Variants in KCNT2 observed in about 807,000 individuals in gnomAD.
KCNT2 encodes potassium sodium-activated channel subfamily T member 2.
KCNT2 carries 67 observed loss-of-function variants against 153.8 expected under a neutral mutation model. The ratio of observed to expected loss-of-function variants is 0.44; its 90% confidence interval spans 0.36 to 0.53. The LOEUF is 0.53. Among genes scored for constraint, KCNT2 ranks in the 20% least tolerant of loss-of-function variants. The probability of loss-of-function intolerance (pLI) is 0.00; values close to 1 mark genes in which losing one functional copy is unlikely to be tolerated. For missense variants in KCNT2, 975 were observed against 1,354.8 expected (o/e 0.72, Z 4.40); for synonymous variants, 500 against 458.8 (o/e 1.09, Z -1.15).
chr1:196,465,585 T>G (rs1367841711), intron 7 of KCNT2, among the ~76,000 whole-genome samples, 198 bp from the exon 8 acceptor site: 1 of 151,880 alleles, frequency 6.6e-6, no homozygotes, highest in Non-Finnish European at 1.5e-5. Context: ...AAAGCTTGCA[T>G]AGTTCAAAGA....
chr1:196,412,633 C>A (rs1052490507), intron 12 of KCNT2, among the ~76,000 whole-genome samples: 1 of 151,364 alleles, frequency 6.6e-6, no homozygotes, highest in Non-Finnish European at 1.5e-5. Context: ...CAGTTAGCAG[C>A]CCCCTACCCC....
At chr1:196,479,313 CTTTA>C in intron 4 of KCNT2, 75 bp from the exon 5 acceptor site, 1 of 855,746 alleles carries the variant, frequency 1.2e-6, no homozygotes, top group African/African-American at 1.7e-5. Flanking sequence ...ATACTACTAA[CTTTA>C]TTTAAATATA....
intron 8 of KCNT2, among the ~76,000 whole-genome samples, chr1:196,434,727 T>C (rs1674467919): frequency 1.3e-5 from 2 of 152,100 alleles, no homozygotes; most frequent in African/African-American, 4.8e-5. Flanking sequence ...ACTGGACTAA[T>C]GACTTGCTTT....
At chr1:196,415,098 C>G (rs888485066) in intron 12 of KCNT2, among the ~76,000 whole-genome samples, 1 of 151,800 alleles carries the variant, frequency 6.6e-6, no homozygotes, top group Non-Finnish European at 1.5e-5. Flanking sequence ...TGGGGAGAGG[C>G]AACTAAAAGA....
At chr1:196,545,002 AGG>A (rs935487528) in intron 1 of KCNT2, among the ~76,000 whole-genome samples, 6 of 152,134 alleles carry the variant, frequency 3.9e-5, no homozygotes, top group Non-Finnish European at 8.8e-5. Context: ...ACAGGAAAAA[AGG>A]GGGAAAAAAC....
intron 26 of KCNT2, among the ~76,000 whole-genome samples, chr1:196,239,886 T>A (rs546629464): frequency 5.9e-4 from 89 of 151,952 alleles, no homozygotes; most frequent in Admixed American, 2.6e-3. Context: ...GTGTCCACAT[T>A]AGAAGAAGAA....
At chr1:196,509,168 C>T (rs948378369) in intron 1 of KCNT2, among the ~76,000 whole-genome samples, 7 of 150,588 alleles carry the variant, frequency 4.6e-5, no homozygotes, top group Non-Finnish European at 8.8e-5. Context: ...ACTCGGGAGG[C>T]TGAGGCAGGA....
intron 1 of KCNT2, among the ~76,000 whole-genome samples, chr1:196,557,837 T>C (rs1339749199): frequency 6.6e-6 from 1 of 151,486 alleles, no homozygotes; most frequent in Non-Finnish European, 1.5e-5. Context: ...TATTTACATC[T>C]TTTAAATTAA....
intron 1 of KCNT2, among the ~76,000 whole-genome samples, chr1:196,547,735 AG>A (rs1168146633): frequency 6.6e-6 from 1 of 151,906 alleles, no homozygotes. Context: ...TTTTTGAGTG[AG>A]TTTCCTTATT....
chr1:196,359,205 C>T (rs962033831), intron 14 of KCNT2, among the ~76,000 whole-genome samples: 3 of 151,904 alleles, frequency 2.0e-5, no homozygotes, highest in African/African-American at 4.8e-5. Flanking sequence ...TTTCTAGGCA[C>T]CTTGTACCCT....
At chr1:196,317,390 T>C (rs1404194505) in intron 20 of KCNT2, 3 of 279,888 alleles carry the variant, frequency 1.1e-5, no homozygotes, top group Admixed American at 8.6e-5. Flanking sequence ...GGTCTTTCTT[T>C]TATTCAGGAA....
At chr1:196,542,388 T>A (rs1396121435) in intron 1 of KCNT2, among the ~76,000 whole-genome samples, 1 of 152,164 alleles carries the variant, frequency 6.6e-6, no homozygotes, top group Non-Finnish European at 1.5e-5. Flanking sequence ...CAGAGTGTAT[T>A]AATTTGAAGT....
At chr1:196,294,008 T>G (rs559737093) in intron 22 of KCNT2, among the ~76,000 whole-genome samples, 1 of 151,754 alleles carries the variant, frequency 6.6e-6, no homozygotes, top group Non-Finnish European at 1.5e-5. Flanking sequence ...TCAACAGCAA[T>G]AAAACACATA....
chr1:196,395,567 T>C (rs1360611273), intron 13 of KCNT2, among the ~76,000 whole-genome samples: 1 of 151,504 alleles, frequency 6.6e-6, no homozygotes, highest in Non-Finnish European at 1.5e-5. Context: ...TATAATGGCA[T>C]GAGGGGGTTG....
intron 15 of KCNT2, 60 bp downstream of exon 15, chr1:196,342,018 AT>A: frequency 1.3e-6 from 2 of 1,529,980 alleles, no homozygotes; most frequent in Non-Finnish European, 1.8e-6. Context: ...TTTGAAAACT[AT>A]TTTCACATGA....
At position 196,480,594 on chromosome 1, in the gene KCNT2, G is replaced by A. The variant is rs539114232; in HGVS notation, c.325-1356C>T. On this transcript the variant is annotated intron_variant, in intron 4 of 27. Transcript: ENST00000294725. Reference sequence around the variant, plus strand: ...ACATCGGCCAGGCGCAGTAGTTCACGTCTGTAATCCCAGCACTTTGGGAGG... The same window carrying A: ...ACATCGGCCAGGCGCAGTAGTTCACATCTGTAATCCCAGCACTTTGGGAGG... Among the ~76,000 whole-genome samples, 5 of 152,092 alleles carry A rather than the reference G, an allele frequency of 3.3e-5. No homozygotes were observed. The South Asian group carries it at 1.0e-3, about 32-fold the overall frequency.
chr1:196,579,483 GA>G (rs1031144574), intron 1 of KCNT2, among the ~76,000 whole-genome samples: 8 of 149,450 alleles, frequency 5.4e-5, no homozygotes, highest in Middle Eastern at 3.5e-3. Flanking sequence ...AAATAAAAGT[GA>G]AAAAAAAAGT....
chr1:196,599,540 G>C (rs775198483), intron 1 of KCNT2, among the ~76,000 whole-genome samples: 1 of 152,130 alleles, frequency 6.6e-6, no homozygotes, highest in Non-Finnish European at 1.5e-5. Context: ...GTACACAGAG[G>C]GATATGATTC....
intron 1 of KCNT2, among the ~76,000 whole-genome samples, chr1:196,581,973 C>G (rs1478871971): frequency 6.6e-6 from 1 of 152,038 alleles, no homozygotes; most frequent in African/African-American, 2.4e-5. Flanking sequence ...TGTGGGAGAA[C>G]CAATAATACT....
Sources: allele counts gnomAD v4.1 joint callset (sites outside exome capture counted in the v4.1 genomes callset), GRCh38; gene constraint gnomAD v4.1.1; transcripts MANE v1.5; gene names NCBI Gene and HGNC (gene_info 2026-07-23, HGNC 2026-07-21).